Variants in FSTL5 observed in about 807,000 individuals in gnomAD.
FSTL5 encodes follistatin like 5.
Under a neutral mutation model 89.1 loss-of-function variants are expected in FSTL5, and 62 were observed. The ratio of observed to expected loss-of-function variants is 0.70; its 90% CI spans 0.57 to 0.86. The LOEUF (loss-of-function observed/expected upper bound fraction) is 0.86. Ranked by LOEUF, FSTL5 falls within the 40% of genes least tolerant of loss-of-function variation. The pLI, the probability that FSTL5 is intolerant of heterozygous loss-of-function variation, is 0.00. For synonymous variants in FSTL5, 383 were observed against 346.2 expected (o/e 1.11, Z -1.18); for missense variants, 1,057 against 1,001.6 (o/e 1.06, Z -0.75).
chr4:161,504,228 A>C (rs1035409963), intron 11 of FSTL5, among the ~76,000 whole-genome samples: 2 of 151,972 alleles, frequency 1.3e-5, no homozygotes, highest in African/African-American at 4.8e-5. Flanking sequence ...TTCCATTTCT[A>C]ATACTAAATA....
chr4:161,831,555 G>A (rs969831284), intron 4 of FSTL5, among the ~76,000 whole-genome samples: 21 of 151,612 alleles, frequency 1.4e-4, no homozygotes, highest in Non-Finnish European at 1.6e-4. Flanking sequence ...AACACATCAC[G>A]CTCATCAATT....
intron 7 of FSTL5, among the ~76,000 whole-genome samples, chr4:161,631,006 C>A (rs1735485584): frequency 6.6e-6 from 1 of 152,130 alleles, no homozygotes; most frequent in African/African-American, 2.4e-5. Context: ...GATAAATAAT[C>A]AAGCAAAATA....
rs181621872 is a variant in FSTL5 at position 162,089,943 on chromosome 4, T to C, written c.126+21328A>G. Among the ~76,000 whole-genome samples, 4 of 152,278 alleles carry C rather than the reference T, an allele frequency of 2.6e-5. No homozygotes were observed. In the East Asian group the frequency reaches 7.7e-4, roughly 29 times the overall value. On this transcript the variant is annotated intron_variant, in intron 2 of 15. Coordinates refer to ENST00000306100, the MANE Select transcript of FSTL5 (RefSeq NM_020116.5). Reference sequence around the variant, plus strand: ...TACATATTTTATTTTTATTATTACATATTTTTTCCATCCGATCTTCAATAA... The same window carrying C: ...TACATATTTTATTTTTATTATTACACATTTTTTCCATCCGATCTTCAATAA...
In FSTL5 at chr4:162,053,676, G is replaced by A. The variant is rs191922191; in HGVS notation, c.127-20018C>T. Among the ~76,000 whole-genome samples the A allele has an allele frequency of 2.2e-3, 332 of 151,746 alleles. 2 individuals carry two copies. Among genetic ancestry groups the A allele is most frequent in the African/African-American group, 7.6e-3 (316 of 41,502 alleles). On this transcript the variant is annotated intron_variant, in intron 2 of 15. Coordinates refer to ENST00000306100, the MANE Select transcript of FSTL5 (RefSeq NM_020116.5). ...AGGTATAAGATCCTTTTATATGAATGATTAGGATAGTTTGAAAATAAATTT... is the reference window on the plus strand; with the variant it reads ...AGGTATAAGATCCTTTTATATGAATAATTAGGATAGTTTGAAAATAAATTT...
intron 15 of FSTL5, among the ~76,000 whole-genome samples, chr4:161,437,803 A>C (rs747120597): frequency 7.2e-5 from 11 of 152,054 alleles, no homozygotes; most frequent in Non-Finnish European, 1.6e-4. Flanking sequence ...TCCACATGGA[A>C]GCAGAAGTCA....
At chr4:162,072,202 C>T (rs796082490) in intron 2 of FSTL5, among the ~76,000 whole-genome samples, 18 of 151,838 alleles carry the variant, frequency 1.2e-4, no homozygotes, top group African/African-American at 4.1e-4. Context: ...CAAAATAATA[C>T]ACAGTTAATA....
chr4:161,412,143 A>T (rs1731614161), intron 15 of FSTL5, among the ~76,000 whole-genome samples: 1 of 152,158 alleles, frequency 6.6e-6, no homozygotes, highest in Non-Finnish European at 1.5e-5. Context: ...GGAGGGTGAA[A>T]GACCTCTACA....
At chr4:161,972,651 G>C (rs1167154223) in intron 3 of FSTL5, among the ~76,000 whole-genome samples, 2 of 152,252 alleles carry the variant, frequency 1.3e-5, no homozygotes. Flanking sequence ...CTTCTTTGCC[G>C]GTTGCAGTTT....
intron 4 of FSTL5, among the ~76,000 whole-genome samples, chr4:161,904,718 G>C (rs1357587957): frequency 6.6e-6 from 1 of 151,720 alleles, no homozygotes; most frequent in African/African-American, 2.4e-5. Context: ...GTAATGATTT[G>C]AGAATTAACA....
chr4:161,943,396 T>C (rs963349509), intron 3 of FSTL5, among the ~76,000 whole-genome samples: 4 of 151,802 alleles, frequency 2.6e-5, no homozygotes, highest in Non-Finnish European at 5.9e-5. Flanking sequence ...TATGATTAAT[T>C]ATGAATTTGT....
chr4:162,050,345 AC>A (rs1186130309), intron 2 of FSTL5, among the ~76,000 whole-genome samples: 7 of 151,382 alleles, frequency 4.6e-5, no homozygotes, highest in Admixed American at 4.6e-4. Flanking sequence ...GCTTATAATG[AC>A]AACTGAATAT....
At chr4:161,901,200 A>C (rs1733353203) in intron 4 of FSTL5, among the ~76,000 whole-genome samples, 1 of 151,782 alleles carries the variant, frequency 6.6e-6, no homozygotes, top group Non-Finnish European at 1.5e-5. Flanking sequence ...AAAAAAAAAA[A>C]CAGAACACCT....
intron 13 of FSTL5, among the ~76,000 whole-genome samples, chr4:161,461,288 C>CAAAAAAAAA (rs781313697): frequency 5.7e-4 from 41 of 72,256 alleles, no homozygotes; most frequent in East Asian, 2.4e-3. Context: ...ACTAAAAATA[C>CAAAAAAAAA]AAAAAAAACA....
rs184624631 is a variant in FSTL5, at chr4:161,753,990, C to A, written c.727+5421G>T. 5.2e-5 allele frequency among the ~76,000 whole-genome samples: 7 copies of A among 133,470 alleles called. No individual in the cohort carries two copies. The East Asian group carries it at 1.6e-3, about 30-fold the overall frequency. The allele number at this position is 133,470 out of a possible 152,430, so 87.6% of individuals were successfully genotyped here. A position where few individuals can be genotyped will look rare whatever the true frequency, so the allele number is the denominator to read the frequency against. On this transcript the variant is annotated intron_variant, in intron 6 of 15. Transcript: ENST00000306100. ...CCGGGAGGCGGAGCTTGCAGTGAGC[C>A]GAGATCGCGCCACTGCACTCCAGCC...
At chr4:161,515,288 A>G (rs1469930383) in intron 10 of FSTL5, among the ~76,000 whole-genome samples, 2 of 151,768 alleles carry the variant, frequency 1.3e-5, no homozygotes. Context: ...ATCTCCACGT[A>G]CTGGGTTCAA....
intron 6 of FSTL5, among the ~76,000 whole-genome samples, chr4:161,741,853 A>G (rs1740040400): frequency 1.3e-5 from 2 of 151,908 alleles, no homozygotes; most frequent in South Asian, 2.1e-4. Context: ...ACGCCAGGCT[A>G]ATTTTTTGTA....
At chr4:161,670,940 T>C (rs1406823264) in intron 6 of FSTL5, among the ~76,000 whole-genome samples, 1 of 152,190 alleles carries the variant, frequency 6.6e-6, no homozygotes, top group Non-Finnish European at 1.5e-5. Context: ...TCAGGTTTAG[T>C]AAGGAATGTC....
intron 3 of FSTL5, among the ~76,000 whole-genome samples, chr4:162,016,748 T>A (rs1468200469): frequency 1.3e-5 from 2 of 152,226 alleles, no homozygotes; most frequent in African/African-American, 2.4e-5. Context: ...TACATCAGTA[T>A]AGAACTTTGG....
chr4:161,833,642 T>C (rs1017299321), intron 4 of FSTL5, among the ~76,000 whole-genome samples: 103 of 152,192 alleles, frequency 6.8e-4, no homozygotes, highest in African/African-American at 1.9e-3. Flanking sequence ...GTAATAGCCT[T>C]CTTTGTCTCT....
Sources: gnomAD v4.1 joint callset for allele counts (sites outside exome capture counted in the v4.1 genomes callset) on GRCh38, gnomAD v4.1.1 for gene constraint, MANE v1.5 for transcripts, NCBI Gene and HGNC (gene_info 2026-07-23, HGNC 2026-07-21) for gene names.